TSNARE1: variants seen among roughly 807,000 people sequenced by gnomAD.
TSNARE1 encodes t-SNARE domain-containing protein 1.
TSNARE1 carries 49 observed loss-of-function variants against 62.0 expected under a neutral mutation model. The observed-to-expected ratio is 0.79, with a 90% CI of 0.63 to 1.00. TSNARE1 has a LOEUF of 1.00. Among genes scored for constraint, TSNARE1 ranks in the 50% least tolerant of loss-of-function variants. The probability of loss-of-function intolerance (pLI) is 0.00; values close to 1 mark genes in which losing one functional copy is unlikely to be tolerated. For synonymous variants in TSNARE1, 328 were observed against 294.4 expected (o/e 1.11, Z -1.17); for missense variants, 755 against 700.1 (o/e 1.08, Z -0.88).
chr8:142,378,748 T>C (rs939383521), intron 1 of TSNARE1, among the ~76,000 whole-genome samples: 8 of 152,206 alleles, frequency 5.3e-5, no homozygotes, highest in African/African-American at 1.9e-4. Flanking sequence ...CTGCTCCTGG[T>C]GGGCCTCAGG....
At chr8:142,222,299 T>C (rs1307247222) in intron 13 of TSNARE1, among the ~76,000 whole-genome samples, 511 of 20,182 alleles carry the variant, frequency 0.025, 173 homozygotes, top group Non-Finnish European at 0.036. Context: ...CTCTCACTCA[T>C]TCACTCACTC....
At chr8:142,399,036 G>A (rs1838101863) in intron 1 of TSNARE1, among the ~76,000 whole-genome samples, 1 of 152,196 alleles carries the variant, frequency 6.6e-6, no homozygotes, top group Admixed American at 6.5e-5. Flanking sequence ...TGGATGGCAA[G>A]CAGGACACCC....
intron 12 of TSNARE1, among the ~76,000 whole-genome samples, chr8:142,248,658 G>A (rs936159025): frequency 1.3e-5 from 2 of 152,212 alleles, no homozygotes; most frequent in African/African-American, 4.8e-5. Context: ...GAGCAGATCT[G>A]GGCTGGGGTC....
At chr8:142,322,101 A>G (rs1229809798) in intron 6 of TSNARE1, among the ~76,000 whole-genome samples, 1 of 152,272 alleles carries the variant, frequency 6.6e-6, no homozygotes, top group Non-Finnish European at 1.5e-5. Context: ...ACATTCAAAC[A>G]TCAGTGAGTG....
intron 12 of TSNARE1, among the ~76,000 whole-genome samples, chr8:142,261,299 AAGGAGAGAGGAAGGAGGGATGG>A (rs1818872830): frequency 8.8e-6 from 1 of 113,984 alleles, no homozygotes; most frequent in African/African-American, 3.4e-5. Flanking sequence ...GGGAGGAGGG[AAGGAGAGAGGAAGGAGGGATGG>A]AGGAGAGAGG....
At chr8:142,245,245 C>T (rs1350318920) in intron 12 of TSNARE1, among the ~76,000 whole-genome samples, 2 of 152,200 alleles carry the variant, frequency 1.3e-5, no homozygotes, top group African/African-American at 4.8e-5. Context: ...GCAATAACCA[C>T]ATGGCTGGAA....
Position 142,296,646 on chromosome 8 carries a change from G to A in TSNARE1, c.1290+3840C>T, listed in dbSNP as rs536513263. Among the ~76,000 whole-genome samples the A allele has an allele frequency of 8.5e-5, 13 of 152,188 alleles. No individual in the cohort carries two copies. In the East Asian group the frequency reaches 1.7e-3, roughly 20 times the overall value. On this transcript the variant is annotated intron_variant, in intron 10 of 13. Transcript: ENST00000524325. ...GGCAGGGACCAACCAGAGACTCCCC[G>A]TGGGAGGCGGACAGGGGGCTAGGGC...
chr8:142,254,106 A>G (rs577238286), intron 12 of TSNARE1, among the ~76,000 whole-genome samples: 10 of 152,370 alleles, frequency 6.6e-5, no homozygotes, highest in Admixed American at 5.2e-4. Flanking sequence ...GGCAGAAGGC[A>G]CCAGACAGCC....
chr8:142,302,416 G>A (rs1424806594), intron 9 of TSNARE1, among the ~76,000 whole-genome samples: 1 of 152,138 alleles, frequency 6.6e-6, no homozygotes, highest in East Asian at 1.9e-4. Context: ...CGATGCCTCG[G>A]GGCCTTCTGT....
At chr8:142,223,022 A>AT (rs1816502141) in intron 13 of TSNARE1, among the ~76,000 whole-genome samples, 1 of 129,096 alleles carries the variant, frequency 7.7e-6, no homozygotes, top group African/African-American at 3.1e-5. Context: ...TCACTCACTC[A>AT]GCCACTCACT....
chr8:142,251,082 T>C (rs1016854636), intron 12 of TSNARE1, among the ~76,000 whole-genome samples: 2 of 152,182 alleles, frequency 1.3e-5, no homozygotes, highest in African/African-American at 4.8e-5. Flanking sequence ...CTGGGGATCA[T>C]GTGCCCATTT....
rs1815818393 is a variant in TSNARE1, at chr8:142,216,069, A to C, written c.*12-3756T>G. On this transcript the variant is annotated intron_variant, in intron 13 of 13. Transcript: ENST00000524325. Reference sequence around the variant, plus strand: ...TGTGATGGGGCAGATCTGAGGGGGAAAGGTTCCCATGGCATCCTCTAGGCC... The same window carrying C: ...TGTGATGGGGCAGATCTGAGGGGGACAGGTTCCCATGGCATCCTCTAGGCC... Among the ~76,000 whole-genome samples, 4 of 152,164 alleles carry C rather than the reference A, an allele frequency of 2.6e-5. No individual in the cohort carries two copies. The South Asian group carries it at 8.3e-4, about 32-fold the overall frequency.
chr8:142,232,387 C>G (rs1004742570), intron 12 of TSNARE1, among the ~76,000 whole-genome samples: 1 of 152,222 alleles, frequency 6.6e-6, no homozygotes, highest in Non-Finnish European at 1.5e-5. Context: ...GTTGGCCAAC[C>G]GAGGGCCTCC....
At chr8:142,258,477 C>CTTTTTTTTTTT (rs56675860) in intron 12 of TSNARE1, among the ~76,000 whole-genome samples, 2 of 107,262 alleles carry the variant, frequency 1.9e-5, no homozygotes, top group Non-Finnish European at 1.8e-5. Flanking sequence ...AGAACTTGTG[C>CTTTTTTTTTTT]TTTTTTTTTT....
chr8:142,261,939 A>T (rs1396490748), intron 12 of TSNARE1, among the ~76,000 whole-genome samples: 1 of 152,140 alleles, frequency 6.6e-6, no homozygotes, highest in African/African-American at 2.4e-5. Context: ...TGCCCAGGGC[A>T]TCTCCCCAAC....
chr8:142,273,586 A>C (rs1819950729), intron 12 of TSNARE1: 1 of 985,262 alleles, frequency 1.0e-6, no homozygotes, highest in Admixed American at 6.1e-5. Flanking sequence ...GGCGTTCACC[A>C]GCTGTCAACA....
At chr8:142,344,555 C>T in intron 3 of TSNARE1, 83 bp from the exon 4 acceptor site, 2 of 1,357,072 alleles carry the variant, frequency 1.5e-6, no homozygotes, top group Non-Finnish European at 1.9e-6. Flanking sequence ...TACGGCGCCT[C>T]CTCTCTGGTT....
At chr8:142,326,971 T>C (rs934214324) in intron 6 of TSNARE1, among the ~76,000 whole-genome samples, 4 of 152,130 alleles carry the variant, frequency 2.6e-5, no homozygotes, top group Non-Finnish European at 4.4e-5. Flanking sequence ...TAACAACAAG[T>C]GCTGGCAGTG....
At chr8:142,278,484 C>T (rs948375133) in intron 11 of TSNARE1, 1 of 985,406 alleles carries the variant, frequency 1.0e-6, no homozygotes, top group Non-Finnish European at 1.2e-6. Context: ...GAGGGTCCAG[C>T]GGGGCTCTGC....
Sources: gnomAD v4.1 joint callset for allele counts (sites outside exome capture counted in the v4.1 genomes callset) on GRCh38, gnomAD v4.1.1 for gene constraint, MANE v1.5 for transcripts, NCBI Gene and HGNC (gene_info 2026-07-23, HGNC 2026-07-21) for gene names.